TIAM2: variants seen among roughly 807,000 people sequenced by gnomAD.
TIAM2 encodes TIAM Rac1 associated GEF 2, also known as rho guanine nucleotide exchange factor TIAM2.
TIAM2 carries 80 observed loss-of-function variants against 152.9 expected under a neutral mutation model. The observed-to-expected ratio is 0.52, with a 90% confidence interval of 0.44 to 0.63. TIAM2 has a LOEUF of 0.63. Among genes scored for constraint, TIAM2 ranks in the 30% least tolerant of loss-of-function variants. TIAM2 has a pLI of 0.00. For missense variants in TIAM2, 1,965 were observed against 2,120.1 expected, an observed-to-expected ratio of 0.93 and a Z score of 1.44; for synonymous variants, 804 against 838.0, an observed-to-expected ratio of 0.96 and a Z score of 0.70.
Position 155,130,375 on chromosome 6 carries a change from T to TGACTGGAC in TIAM2, c.1154_1161dup (p.Gly388ThrfsTer32), listed in dbSNP as rs778125956. The TGACTGGAC allele has an allele frequency of 6.2e-7, 1 of 1,613,954 alleles. No individual in the cohort carries two copies. On this transcript the variant is annotated frameshift_variant, in exon 4 of 27. Coordinates refer to ENST00000682666, the MANE Select transcript of TIAM2 (RefSeq NM_012454.4). LOFTEE classifies it high-confidence loss of function. ...TCAAAGCCAGGATGCGACGGATCAG[T>TGACTGGAC]GACTGGACGGGAAGCCTCTCAAGGA...
intron 7 of TIAM2, among the ~76,000 whole-genome samples, chr6:155,153,433 C>T (rs568894160): frequency 2.0e-5 from 3 of 151,916 alleles, no homozygotes; most frequent in Admixed American, 6.6e-5. Context: ...ACAGCAAGAC[C>T]CTATTTCTGA....
At chr6:155,138,499 A>T (rs1384414137) in intron 5 of TIAM2, among the ~76,000 whole-genome samples, 1 of 151,568 alleles carries the variant, frequency 6.6e-6, no homozygotes, top group African/African-American at 2.4e-5. Flanking sequence ...GGTTTGTTAC[A>T]TAGGTATATG....
At chr6:155,082,043 G>C (rs1778073179) in intron 1 of TIAM2, among the ~76,000 whole-genome samples, 1 of 152,116 alleles carries the variant, frequency 6.6e-6, no homozygotes, top group Admixed American at 6.6e-5. Flanking sequence ...GTAAAGAAAA[G>C]GATAATATCG....
At chr6:155,114,050 C>CTTTT (rs1275422426) in intron 2 of TIAM2, among the ~76,000 whole-genome samples, 21 of 58,248 alleles carry the variant, frequency 3.6e-4, no homozygotes, top group East Asian at 5.3e-4. Context: ...TTTTTTTTTT[C>CTTTT]TTTTTTTTTT....
chr6:155,062,581 C>CTTTT (rs151244455), intron 1 of TIAM2, among the ~76,000 whole-genome samples: 4 of 143,258 alleles, frequency 2.8e-5, no homozygotes, highest in African/African-American at 5.2e-5. Context: ...TTTTCTTTTT[C>CTTTT]TTTTCTTTTT....
At chr6:155,182,406 T>TGTCAGAAA in intron 13 of TIAM2, 88 bp downstream of exon 13, 1 of 1,205,794 alleles carries the variant, frequency 8.3e-7, no homozygotes, top group African/African-American at 1.5e-5. Flanking sequence ...CTTACAGTTT[T>TGTCAGAAA]GTCAGAAAAA....
chr6:155,137,118 AG>A, intron 4 of TIAM2, 58 bp from the exon 5 acceptor site: 2 of 1,557,160 alleles, frequency 1.3e-6, no homozygotes, highest in Non-Finnish European at 1.7e-6. Flanking sequence ...GCTGTGTGCA[AG>A]AAGGGATGCT....
chr6:155,203,591 A>T (rs1219765725), intron 14 of TIAM2, among the ~76,000 whole-genome samples: 3 of 152,238 alleles, frequency 2.0e-5, no homozygotes, highest in African/African-American at 7.2e-5. Context: ...TAAACCATTT[A>T]TTATTCACTT....
intron 2 of TIAM2, among the ~76,000 whole-genome samples, chr6:155,109,383 G>C (rs73004908): frequency 0.072 from 10,907 of 152,236 alleles, 527 homozygotes; most frequent in East Asian, 0.25. Context: ...TTGAAATTAA[G>C]TGTGCCTTCT....
chr6:155,124,412 C>T (rs953597776), intron 2 of TIAM2, among the ~76,000 whole-genome samples: 3 of 152,150 alleles, frequency 2.0e-5, no homozygotes, highest in Non-Finnish European at 4.4e-5. Flanking sequence ...CTCACCGCAA[C>T]CTCTGCCTCT....
intron 1 of TIAM2, among the ~76,000 whole-genome samples, chr6:155,000,552 T>G (rs1486107883): frequency 9.0e-6 from 1 of 110,976 alleles, no homozygotes; most frequent in Non-Finnish European, 2.0e-5. Context: ...AAAAAAAGCA[T>G]CCAAAAAACT....
chr6:155,121,818 T>C (rs776118574), intron 2 of TIAM2: 1 of 152,392 alleles, frequency 6.6e-6, no homozygotes, highest in Non-Finnish European at 1.5e-5. Context: ...TCTCCTTTTT[T>C]GCAGTGGCTC....
At chr6:155,253,335 G>A (rs1242318201) in intron 24 of TIAM2, 5 of 390,512 alleles carry the variant, frequency 1.3e-5, no homozygotes, top group African/African-American at 2.0e-5. Context: ...ACCCTAAAAT[G>A]TGTTAGAAGA....
chr6:155,180,188 A>G (rs968998354), intron 12 of TIAM2, among the ~76,000 whole-genome samples: 5 of 152,212 alleles, frequency 3.3e-5, no homozygotes, highest in African/African-American at 1.2e-4. Flanking sequence ...CTGAGGCAGG[A>G]GAATCGCTTG....
At chr6:155,016,971 A>AG (rs962278305) in intron 1 of TIAM2, among the ~76,000 whole-genome samples, 2 of 152,210 alleles carry the variant, frequency 1.3e-5, no homozygotes, top group African/African-American at 2.4e-5. Flanking sequence ...CTGAGCATGA[A>AG]GGGGCCTTGG....
chr6:155,087,657 G>A (rs1778201652), intron 1 of TIAM2, among the ~76,000 whole-genome samples: 1 of 152,084 alleles, frequency 6.6e-6, no homozygotes, highest in Non-Finnish European at 1.5e-5. Context: ...GCTGAGGCAG[G>A]AGAATTGCTT....
At chr6:155,171,104 C>T (rs1023696469) in intron 9 of TIAM2, among the ~76,000 whole-genome samples, 2 of 152,184 alleles carry the variant, frequency 1.3e-5, no homozygotes, top group African/African-American at 2.4e-5. Flanking sequence ...AAGTACATTA[C>T]GCCCATTTCT....
chr6:155,172,680 A>T (rs1192467333), intron 9 of TIAM2, among the ~76,000 whole-genome samples: 197 of 13,814 alleles, frequency 0.014, 12 homozygotes, highest in Non-Finnish European at 0.018. Flanking sequence ...ATATATATAT[A>T]TATATATTTT....
At chr6:155,122,849 C>CT (rs34773829) in intron 2 of TIAM2, among the ~76,000 whole-genome samples, 1,544 of 142,888 alleles carry the variant, frequency 0.011, 14 homozygotes, top group South Asian at 0.02. Flanking sequence ...TTTTAAAGTA[C>CT]TTTTTTTTTT....
Sources: allele counts gnomAD v4.1 joint callset (sites outside exome capture counted in the v4.1 genomes callset), GRCh38; gene constraint gnomAD v4.1.1; transcripts MANE v1.5; gene names NCBI Gene and HGNC (gene_info 2026-07-23, HGNC 2026-07-21).